Variants in GALNT14 observed in about 807,000 individuals in gnomAD.
GALNT14 encodes the protein polypeptide N-acetylgalactosaminyltransferase 14.
A neutral mutation model predicts 77.5 loss-of-function variants in GALNT14; 60 were observed. The observed-to-expected ratio is 0.77, with a 90% confidence interval of 0.63 to 0.96. The LOEUF (loss-of-function observed/expected upper bound fraction) is 0.96. Among genes scored for constraint, GALNT14 ranks in the 40% least tolerant of loss-of-function variants. The pLI is 0.00. For synonymous variants in GALNT14, 280 were observed against 281.7 expected (o/e 0.99, Z 0.06); for missense variants, 710 against 731.0 (o/e 0.97, Z 0.33).
intron 13 of GALNT14, among the ~76,000 whole-genome samples, chr2:30,917,298 A>G (rs62139531): frequency 0.29 from 43,584 of 151,736 alleles, 6,487 homozygotes; most frequent in African/African-American, 0.39. Flanking sequence ...GTTTCTAGCC[A>G]CCAGTGGGTG....
At chr2:31,130,754 G>GTC (rs1159116645) in intron 1 of GALNT14, among the ~76,000 whole-genome samples, 1 of 139,922 alleles carries the variant, frequency 7.1e-6, no homozygotes, top group African/African-American at 3.0e-5. Flanking sequence ...GTGTGTGTGT[G>GTC]TGTGTGTGTG....
intron 1 of GALNT14, among the ~76,000 whole-genome samples, chr2:31,109,878 A>G (rs1015738998): frequency 1.3e-5 from 2 of 152,164 alleles, no homozygotes; most frequent in Admixed American, 1.3e-4. Flanking sequence ...TCTTCCACCC[A>G]TAGCTTGGGA....
the GALNT14 span, among the ~76,000 whole-genome samples, chr2:30,903,728 AG>A: frequency 6.6e-6 from 1 of 152,232 alleles, no homozygotes; most frequent in Non-Finnish European, 1.5e-5. Context: ...GTCCCACAAA[AG>A]CCATATGGGA....
At chr2:31,044,611 A>G (rs2148506144) in intron 1 of GALNT14, among the ~76,000 whole-genome samples, 1 of 152,260 alleles carries the variant, frequency 6.6e-6, no homozygotes, top group African/African-American at 2.4e-5. Context: ...TTTTGGATAG[A>G]CAGAAGTATA....
At chr2:31,037,063 T>G (rs997843477) in intron 1 of GALNT14, among the ~76,000 whole-genome samples, 13 of 152,204 alleles carry the variant, frequency 8.5e-5, no homozygotes, top group African/African-American at 3.1e-4. Flanking sequence ...TATTATTTCT[T>G]CAAGCATGTT....
chr2:31,078,006 C>T (rs1415522879), intron 1 of GALNT14, among the ~76,000 whole-genome samples: 3 of 152,186 alleles, frequency 2.0e-5, no homozygotes, highest in African/African-American at 7.2e-5. Flanking sequence ...GAGGCTAGAG[C>T]AAGTCGGAAG....
intron 1 of GALNT14, among the ~76,000 whole-genome samples, chr2:31,113,816 G>C (rs1024447908): frequency 1.3e-5 from 2 of 152,162 alleles, no homozygotes; most frequent in East Asian, 3.9e-4. Flanking sequence ...CACAGAGGGA[G>C]GTGGGGGGAA....
chr2:31,032,264 T>C lies in GALNT14; in HGVS notation c.130-39257A>G, dbSNP rs867608869. 5.3e-5 allele frequency among the ~76,000 whole-genome samples: 8 copies of C among 152,258 alleles called. No individual in the cohort carries two copies. In the South Asian group the frequency reaches 1.2e-3, roughly 24 times the overall value. On this transcript the variant is annotated intron_variant, in intron 1 of 14. Coordinates refer to ENST00000349752, the MANE Select transcript of GALNT14 (RefSeq NM_024572.4). ...CTGGGGAACTGGTGGGGATGGCTGG[T>C]TGAGGATCCACTCGCTCAAGATACC...
intron 12 of GALNT14, 54 bp downstream of exon 12, chr2:30,924,686 A>G (rs1192061485): frequency 6.7e-6 from 10 of 1,492,930 alleles, no homozygotes; most frequent in Non-Finnish European, 6.5e-6. Flanking sequence ...AGACCAAGCC[A>G]GCTGAGGGCC....
chr2:30,979,376 G>A (rs1035642726), intron 2 of GALNT14, among the ~76,000 whole-genome samples: 5 of 152,090 alleles, frequency 3.3e-5, no homozygotes, highest in African/African-American at 4.8e-5. Context: ...TGAAGCAGAC[G>A]GGAGCAAAGA....
At chr2:30,992,057 C>T (rs1669735306) in intron 2 of GALNT14, among the ~76,000 whole-genome samples, 2 of 152,168 alleles carry the variant, frequency 1.3e-5, no homozygotes, top group Admixed American at 1.3e-4. Context: ...AGGTCTTTGG[C>T]ATTTCTGGGC....
intron 1 of GALNT14, among the ~76,000 whole-genome samples, chr2:31,065,794 GTC>G (rs1674913836): frequency 6.6e-6 from 1 of 152,212 alleles, no homozygotes; most frequent in South Asian, 2.1e-4. Flanking sequence ...CCTGCCGGGT[GTC>G]TGAGGAGAAT....
intron 1 of GALNT14, among the ~76,000 whole-genome samples, chr2:31,006,734 G>A (rs1367600673): frequency 3.9e-5 from 6 of 152,144 alleles, no homozygotes; most frequent in Admixed American, 3.3e-4. Flanking sequence ...CTTAATCCAC[G>A]TGCCCAAAGG....
At chr2:31,109,657 A>G (rs777186827) in intron 1 of GALNT14, among the ~76,000 whole-genome samples, 4 of 152,230 alleles carry the variant, frequency 2.6e-5, no homozygotes, top group African/African-American at 9.6e-5. Context: ...ATTGTAATGG[A>G]CGCGATGTGG....
At chr2:30,961,879 G>C (rs1193488466) in intron 3 of GALNT14, among the ~76,000 whole-genome samples, 1 of 151,952 alleles carries the variant, frequency 6.6e-6, no homozygotes, top group East Asian at 1.9e-4. Context: ...TTTTAGTAGA[G>C]ACGGGGTTTC....
rs144156769 is a variant in GALNT14 at position 31,062,340 on chromosome 2, C to T, written c.130-69333G>A. ...TTGGTTTTCTGTTCCTGTTAGTTTA[C>T]TGAGAATGATGGTTTCCAGCTTCAT... On this transcript the variant is annotated intron_variant, in intron 1 of 14. Transcript: ENST00000349752. 6.4e-3 allele frequency among the ~76,000 whole-genome samples: 978 copies of T among 152,276 alleles called. 11 individuals carry two copies. The highest frequency in any genetic ancestry group is 0.022 in the African/African-American group (901 of 41,556).
At chr2:31,029,959 C>T (rs1330113394) in intron 1 of GALNT14, among the ~76,000 whole-genome samples, 1 of 152,208 alleles carries the variant, frequency 6.6e-6, no homozygotes, top group African/African-American at 2.4e-5. Flanking sequence ...TTCCATTGTC[C>T]TTGGGAACGA....
chr2:30,932,271 G>C (rs900170591), intron 9 of GALNT14, 77 bp from the exon 10 acceptor site: 24 of 1,322,786 alleles, frequency 1.8e-5, no homozygotes, highest in African/African-American at 1.2e-4. Flanking sequence ...CTAATGAAAC[G>C]GTGAGGCCCC....
At chr2:31,101,977 T>A (rs1192060791) in intron 1 of GALNT14, among the ~76,000 whole-genome samples, 1 of 152,188 alleles carries the variant, frequency 6.6e-6, no homozygotes, top group South Asian at 2.1e-4. Flanking sequence ...AAGAAGGACA[T>A]GTTTGCTTCC....
Sources: gnomAD v4.1 joint callset for allele counts (sites outside exome capture counted in the v4.1 genomes callset) on GRCh38, gnomAD v4.1.1 for gene constraint, MANE v1.5 for transcripts, NCBI Gene and HGNC (gene_info 2026-07-23, HGNC 2026-07-21) for gene names.